AGR2: variants seen among roughly 807,000 people sequenced by gnomAD.
AGR2 encodes anterior gradient protein 2 homolog.
AGR2 carries 27 observed loss-of-function variants against 25.9 expected under a neutral mutation model. The ratio of observed to expected loss-of-function variants is 1.04; its 90% CI spans 0.77 to 1.44. The LOEUF is 1.44. Ranked by LOEUF, AGR2 falls within the 40% of genes most tolerant of loss-of-function variation. The pLI, the probability that AGR2 is intolerant of heterozygous loss-of-function variation, is 0.00. For missense variants in AGR2, 182 were observed against 200.9 expected, an observed-to-expected ratio of 0.91 and a Z score of 0.57; for synonymous variants, 78 against 72.0, an observed-to-expected ratio of 1.08 and a Z score of -0.42.
intron 7 of AGR2, among the ~76,000 whole-genome samples, 153 bp from the exon 8 acceptor site, chr7:16,793,110 G>A (rs1351389375): frequency 6.6e-6 from 1 of 152,072 alleles, no homozygotes; most frequent in Non-Finnish European, 1.5e-5. Context: ...ATGCAGTGGT[G>A]CAATCTCCAC....
chr7:16,795,149 G>C, intron 6 of AGR2, 130 bp from the exon 7 acceptor site: 3 of 998,682 alleles, frequency 3.0e-6, no homozygotes, highest in Non-Finnish European at 4.5e-6. Flanking sequence ...GCACTCACAG[G>C]AGCTCTGATC....
At chr7:16,804,448 T>C (rs987246254) in intron 1 of AGR2, among the ~76,000 whole-genome samples, 3 of 152,180 alleles carry the variant, frequency 2.0e-5, no homozygotes, top group Non-Finnish European at 4.4e-5. Context: ...ATCCCATGAA[T>C]TTAAAGATTG....
intron 7 of AGR2, chr7:16,794,634 G>C: frequency 1.8e-6 from 1 of 565,584 alleles, no homozygotes; most frequent in Non-Finnish European, 3.1e-6. Context: ...GTGATAGAAG[G>C]AGTGTGTGCT....
At chr7:16,798,520 G>A (rs1785087630) in intron 5 of AGR2, among the ~76,000 whole-genome samples, 1 of 152,124 alleles carries the variant, frequency 6.6e-6, no homozygotes, top group South Asian at 2.1e-4. Flanking sequence ...CCTTTGTTCA[G>A]AAATAGTTAA....
At position 16,792,562 on chromosome 7, in the gene AGR2, G is replaced by T; in HGVS notation, c.*346C>A. 4.3e-6 allele frequency: 1 copy of T among 233,592 alleles called. No individual in the cohort carries two copies. Among genetic ancestry groups the T allele is most frequent in the East Asian group, 9.9e-5 (1 of 10,118 alleles). The allele number at this position is 233,592 out of a possible 1,614,324, so 14.5% of individuals were successfully genotyped here. On this transcript the variant is annotated 3_prime_UTR_variant, in exon 8 of 8. Transcript: ENST00000419304. Reference sequence around the variant, plus strand: ...GTCTTCATCATTTGAACTAGTTTTGGTTTTGTCTTGTCCCTTCCTTGAGCA... The same window carrying T: ...GTCTTCATCATTTGAACTAGTTTTGTTTTTGTCTTGTCCCTTCCTTGAGCA...
chr7:16,793,118 C>T (rs1784989807), intron 7 of AGR2, among the ~76,000 whole-genome samples, 161 bp from the exon 8 acceptor site: 1 of 152,122 alleles, frequency 6.6e-6, no homozygotes, highest in Non-Finnish European at 1.5e-5. Flanking sequence ...GTGCAATCTC[C>T]ACTCAGTGCA....
intron 2 of AGR2, 96 bp downstream of exon 2, chr7:16,801,562 C>T (rs910540505): frequency 2.0e-6 from 3 of 1,511,936 alleles, no homozygotes; most frequent in Non-Finnish European, 2.8e-6. Context: ...CCAAAAATAA[C>T]CTGGCACCAG....
intron 1 of AGR2, 104 bp from the exon 2 acceptor site, chr7:16,801,907 C>A: frequency 2.2e-6 from 2 of 920,740 alleles, no homozygotes; most frequent in Non-Finnish European, 3.2e-6. Flanking sequence ...AACTGAGGCT[C>A]TGCTGAGACT....
In AGR2 at chr7:16,801,089, C is replaced by T. The variant is rs936966575; in HGVS notation, c.256+62G>A. 6 of 1,373,180 alleles carry T rather than the reference C, an allele frequency of 4.4e-6. No homozygotes were observed. The African/African-American group carries it at 8.7e-5, about 20-fold the overall frequency. The allele number at this position is 1,373,180 out of a possible 1,614,324, so 85.1% of individuals were successfully genotyped here. ...TTCTAAAGATACAAACATGAGTGAT[C>T]TGAACCCTGGCCCTAAGGCTAAAAG... On this transcript the variant is annotated intron_variant, in intron 4 of 7. Coordinates refer to ENST00000419304, the MANE Select transcript of AGR2 (RefSeq NM_006408.4).
rs576125379 is a variant in AGR2 at position 16,798,111 on chromosome 7, C to T, written c.331-417G>A. On this transcript the variant is annotated intron_variant, in intron 5 of 7. Coordinates refer to ENST00000419304, the MANE Select transcript of AGR2 (RefSeq NM_006408.4). ...GAACTGTATTTAGCAAGGCATGGTG[C>T]TTATCTTTAATGAATGCACACTCTA... is the stretch of plus-strand genomic sequence containing the variant. Among the ~76,000 whole-genome samples the T allele has an allele frequency of 3.3e-5, 5 of 152,214 alleles. No individual in the cohort carries two copies. The South Asian group carries it at 1.0e-3, about 32-fold the overall frequency.
In AGR2 at chr7:16,794,701, A is replaced by G. The variant is rs189967586; in HGVS notation, c.478+235T>C. On this transcript the variant is annotated intron_variant, in intron 7 of 7. Coordinates refer to ENST00000419304, the MANE Select transcript of AGR2 (RefSeq NM_006408.4). Reference sequence around the variant, plus strand: ...TAATGTGGTCATAGAATCCTCCTAGAGAAAAAGATACCTAATCTAAATAAT... The same window carrying G: ...TAATGTGGTCATAGAATCCTCCTAGGGAAAAAGATACCTAATCTAAATAAT... 4.5e-4 allele frequency: 511 copies of G among 1,135,518 alleles called. 2 individuals carry two copies. Among genetic ancestry groups the G allele is most frequent in the Non-Finnish European group, 2.2e-4 (178 of 827,786 alleles). 70.3% of individuals were successfully genotyped at this position (1,135,518 alleles called of 1,614,324 possible). A position where few individuals can be genotyped will look rare whatever the true frequency, so the allele number is the denominator to read the frequency against.
chr7:16,803,707 A>G (rs1339586453), intron 1 of AGR2, among the ~76,000 whole-genome samples: 1 of 152,208 alleles, frequency 6.6e-6, no homozygotes, highest in Non-Finnish European at 1.5e-5. Flanking sequence ...TTTGTCTTCT[A>G]GAGTTTTGCA....
rs1483671261 is a variant in AGR2, at chr7:16,792,762, T to C, written c.*146A>G. 2 of 779,144 alleles carry C rather than the reference T, an allele frequency of 2.6e-6. No homozygotes were observed. The highest frequency in any genetic ancestry group is 2.1e-6 in the Non-Finnish European group (1 of 472,482). 48.3% of individuals were successfully genotyped at this position (779,144 alleles called of 1,614,324 possible). ...TTGAAACCAAATTTCTAAAACTTGT[T>C]TTTCTTAAAAAATAGTTGTTGTAAC... On this transcript the variant is annotated 3_prime_UTR_variant, in exon 8 of 8. Transcript: ENST00000419304.
chr7:16,797,765 G>C (rs1785074381), intron 5 of AGR2, 71 bp from the exon 6 acceptor site: 1 of 1,319,754 alleles, frequency 7.6e-7, no homozygotes. Context: ...GTTAATACAA[G>C]AATCTGTCCA....
At position 16,801,352 on chromosome 7, in the gene AGR2, TGTCTGA is replaced by T. The variant is rs1211391623; in HGVS notation, c.165_170del (p.Gln56_Thr57del). 6.2e-7 allele frequency: 1 copy of T among 1,613,736 alleles called. No individual in the cohort carries two copies. The highest frequency in any genetic ancestry group is 8.5e-7 in the Non-Finnish European group (1 of 1,179,898). ...TGGATTTATATAGAGCTTCTTCATA[TGTCTGA>T]GTCCAGATGAGTTGGTCACCCCAAC... On this transcript the variant is annotated inframe_deletion, in exon 3 of 8. Transcript: ENST00000419304.
chr7:16,792,978 G>A, intron 7 of AGR2, 21 bp from the exon 8 acceptor site: 1 of 1,611,050 alleles, frequency 6.2e-7, no homozygotes, highest in Non-Finnish European at 8.5e-7. Context: ...ATAAAAGCAG[G>A]AGAGTCAAGA....
chr7:16,794,821 G>A (rs766923330), intron 7 of AGR2, 115 bp downstream of exon 7: 1 of 1,565,260 alleles, frequency 6.4e-7, no homozygotes, highest in Non-Finnish European at 8.7e-7. Context: ...AACTGAGTCC[G>A]AGGCGTCCCT....
At chr7:16,800,549 T>C (rs1446703514) in intron 4 of AGR2, among the ~76,000 whole-genome samples, 1 of 152,214 alleles carries the variant, frequency 6.6e-6, no homozygotes, top group Non-Finnish European at 1.5e-5. Context: ...ACGTGAGTGA[T>C]GGAATCTGAT....
intron 1 of AGR2, among the ~76,000 whole-genome samples, chr7:16,804,669 C>T (rs979092709): frequency 1.3e-5 from 2 of 152,116 alleles, no homozygotes; most frequent in African/African-American, 4.8e-5. Flanking sequence ...TCCTAGGATT[C>T]ACCTACTCTT....
Sources: allele counts gnomAD v4.1 joint callset (sites outside exome capture counted in the v4.1 genomes callset), GRCh38; gene constraint gnomAD v4.1.1; transcripts MANE v1.5; gene names NCBI Gene and HGNC (gene_info 2026-07-23, HGNC 2026-07-21).